SPDYE1: variants seen among roughly 807,000 people sequenced by gnomAD.
The protein encoded by SPDYE1 is speedy protein E1.
Under a neutral mutation model 45.9 loss-of-function variants are expected in SPDYE1, and 29 were observed. The ratio of observed to expected loss-of-function variants is 0.63; its 90% CI spans 0.47 to 0.86. SPDYE1 has a LOEUF of 0.86. SPDYE1 is among the 40% of genes least tolerant of loss of function. The pLI is 0.00. For synonymous variants in SPDYE1, 134 were observed against 176.8 expected, an observed-to-expected ratio of 0.76 and a Z score of 1.92; for missense variants, 346 against 481.4, an observed-to-expected ratio of 0.72 and a Z score of 2.63.
intron 1 of SPDYE1, among the ~76,000 whole-genome samples, chr7:43,998,854 T>G (rs4049559): frequency 7.4e-6 from 1 of 135,254 alleles, no homozygotes; most frequent in Non-Finnish European, 1.6e-5. Context: ...GGTTTGGTTT[T>G]GTTTTTTTAG....
At chr7:44,005,111 C>T in intron 5 of SPDYE1, 31 bp from the exon 6 acceptor site, 1 of 1,610,136 alleles carries the variant, frequency 6.2e-7, no homozygotes, top group Non-Finnish European at 8.5e-7. Flanking sequence ...GATGTGACCT[C>T]TCCCTCTCTG....
At chr7:44,007,970 T>G (rs2096074112) in intron 8 of SPDYE1, 157 bp downstream of exon 8, 2 of 1,494,424 alleles carry the variant, frequency 1.3e-6, no homozygotes, top group Non-Finnish European at 8.9e-7. Flanking sequence ...GGGACGCATC[T>G]CTACTCCCAA....
chr7:44,007,170 C>A, intron 6 of SPDYE1, 98 bp from the exon 7 acceptor site: 1 of 1,607,106 alleles, frequency 6.2e-7, no homozygotes, highest in Non-Finnish European at 8.5e-7. Context: ...CAGTCCTGAG[C>A]TAGGAACGGT....
chr7:43,999,369 T>C (rs1312713330), intron 1 of SPDYE1, among the ~76,000 whole-genome samples, 159 bp from the exon 2 acceptor site: 1 of 151,688 alleles, frequency 6.6e-6, no homozygotes, highest in Non-Finnish European at 1.5e-5. Flanking sequence ...CTGATGTGAC[T>C]TTTTCATCAA....
At chr7:44,004,245 G>C in intron 5 of SPDYE1, 2 of 432,952 alleles carry the variant, frequency 4.6e-6, no homozygotes, top group East Asian at 4.8e-5. Context: ...ATGTTGGCCA[G>C]GTTGGTCCTG....
At chr7:44,002,439 C>G in intron 3 of SPDYE1, 151 bp from the exon 4 acceptor site, 2 of 778,814 alleles carry the variant, frequency 2.6e-6, no homozygotes, top group South Asian at 3.4e-5. Context: ...ACATGGAGCT[C>G]AGCAGAGGAG....
In SPDYE1 at chr7:44,010,050, G is replaced by C. The variant is rs1340773462; in HGVS notation, c.*1429G>C. ...ATGTGTGTTCTAAAGGAGGACATGA[G>C]CTGTGTGTTTTCAAGAGAACAATAG... On this transcript the variant is annotated 3_prime_UTR_variant, in exon 9 of 9. Coordinates refer to ENST00000693451, the MANE Select transcript of SPDYE1 (RefSeq NM_001378423.2). 6.6e-6 allele frequency: 1 copy of C among 152,190 alleles called. No individual in the cohort carries two copies. Among genetic ancestry groups the C allele is most frequent in the Non-Finnish European group, 1.5e-5 (1 of 68,044 alleles). The allele number at this position is 152,190 out of a possible 1,614,324, so 9.4% of individuals were successfully genotyped here. A position where few individuals can be genotyped will look rare whatever the true frequency, so the allele number is the denominator to read the frequency against.
At position 44,007,579 on chromosome 7, in the gene SPDYE1, T is replaced by C. The variant is rs765924275; in HGVS notation, c.1064T>C (p.Leu355Ser). Reference protein sequence around the residue: ...SCRAWVSPEELEEIQAYDPEH... With the variant: ...SCRAWVSPEESEEIQAYDPEH... ...AGGGCTTGGGTTTCCCCAGAGGAGT[T>C]GGAGGAGGTGAGTGGGGCCTGGGGA... The change falls in exon 7 of 9, where the codon TTG becomes TCG. Residue 355 changes from leucine (L) to serine (S), a missense_variant. Coordinates refer to ENST00000693451, the MANE Select transcript of SPDYE1 (RefSeq NM_001378423.2). 2 of 1,612,356 alleles carry C rather than the reference T, an allele frequency of 1.2e-6. No individual in the cohort carries two copies. Among genetic ancestry groups the C allele is most frequent in the African/African-American group, 2.7e-5 (2 of 74,698 alleles).
In SPDYE1 at chr7:44,007,130, G is replaced by A; in HGVS notation, c.753-138G>A. On this transcript the variant is annotated intron_variant, in intron 6 of 8. Coordinates refer to ENST00000693451, the MANE Select transcript of SPDYE1 (RefSeq NM_001378423.2). The stretch of plus-strand genomic sequence containing the variant: ...TCTCTGTCCAGCAGAGCCCTCCTGA[G>A]GAAGGCATGGCTCTCTGCAGGGTGG... 5.8e-6 allele frequency: 9 copies of A among 1,564,840 alleles called. 1 individual carries two copies. The South Asian group carries it at 1.1e-4, about 19-fold the overall frequency.
rs775467308 is a variant in SPDYE1, at chr7:44,005,190, T to A, written c.715T>A (p.Ser239Thr). 2 of 1,612,028 alleles carry A rather than the reference T, an allele frequency of 1.2e-6. No homozygotes were observed. The highest frequency in any genetic ancestry group is 2.2e-5 in the South Asian group (2 of 90,998). ...IAYFSRAGFP[S>T]WQYQRLHFFL... Reference sequence around the variant, plus strand: ...GTATTTCAGCCGAGCCGGCTTCCCCTCCTGGCAATACCAACGCCTTCATTT... The same window carrying A: ...GTATTTCAGCCGAGCCGGCTTCCCCACCTGGCAATACCAACGCCTTCATTT... The change falls in exon 6 of 9, where the codon TCC becomes ACC. Residue 239 changes from serine to threonine, a missense_variant. By Grantham distance (58) the Ser-to-Thr change is moderately conservative. Transcript: ENST00000693451.
At chr7:44,001,724 T>A (rs1347229177) in intron 3 of SPDYE1, among the ~76,000 whole-genome samples, 1 of 151,468 alleles carries the variant, frequency 6.6e-6, no homozygotes, top group African/African-American at 2.4e-5. Flanking sequence ...CTGAGATGGG[T>A]GGATCACTTG....
chr7:44,005,182 G>A lies in SPDYE1; in HGVS notation c.707G>A (p.Gly236Asp). 1 of 1,611,948 alleles carries A rather than the reference G, an allele frequency of 6.2e-7. No homozygotes were observed. The highest frequency in any genetic ancestry group is 8.5e-7 in the Non-Finnish European group (1 of 1,179,854). ...GTCATAGCGTATTTCAGCCGAGCCG[G>A]CTTCCCCTCCTGGCAATACCAACGC... ...AMVIAYFSRA[G>D]FPSWQYQRLH... Residue 236 changes from glycine (G) to aspartate (D), a missense_variant, in exon 6 of 9, where the codon GGC becomes GAC. Gly to Asp is a moderately conservative substitution (Grantham distance 94). Transcript: ENST00000693451.
At position 44,000,566 on chromosome 7, in the gene SPDYE1, C is replaced by T. The variant is rs1401127589; in HGVS notation, c.160+457C>T. Among the ~76,000 whole-genome samples the T allele has an allele frequency of 2.0e-4, 30 of 151,692 alleles. No homozygotes were observed. The East Asian group carries it at 3.1e-3, about 16-fold the overall frequency. ...CAGAACTTTGGGAGGCCAAGGCAGG[C>T]GGATCACTTGAGGCCAGGAGTTTGA... is the stretch of plus-strand genomic sequence containing the variant. On this transcript the variant is annotated intron_variant, in intron 2 of 8. Coordinates refer to ENST00000693451, the MANE Select transcript of SPDYE1 (RefSeq NM_001378423.2).
intron 8 of SPDYE1, 97 bp downstream of exon 8, chr7:44,007,910 C>T (rs538109530): frequency 5.2e-6 from 8 of 1,533,568 alleles, no homozygotes; most frequent in South Asian, 4.7e-5. Flanking sequence ...GCCTGGGCAA[C>T]GTGGCGAGAT....
In SPDYE1 at chr7:44,009,753, T is replaced by C. The variant is rs1430010863; in HGVS notation, c.*1132T>C. The C allele has an allele frequency of 6.6e-6, 1 of 151,486 alleles. No individual in the cohort carries two copies. Among genetic ancestry groups the C allele is most frequent in the African/African-American group, 2.4e-5 (1 of 41,346 alleles). 9.4% of individuals were successfully genotyped at this position (151,486 alleles called of 1,614,324 possible). A position where few individuals can be genotyped will look rare whatever the true frequency, so the allele number is the denominator to read the frequency against. ...ACTGTTATATACACATACATATAATTTTGTTTTCCTTTTTAAGAGAGGATT... is the reference window on the plus strand; with the variant it reads ...ACTGTTATATACACATACATATAATCTTGTTTTCCTTTTTAAGAGAGGATT... On this transcript the variant is annotated 3_prime_UTR_variant, in exon 9 of 9. Transcript: ENST00000693451.
In SPDYE1 at chr7:44,007,330, T is replaced by C; in HGVS notation, c.815T>C (p.Leu272Pro). The change falls in exon 7 of 9, where the codon CTG becomes CCG. Residue 272 changes from leucine to proline, a missense_variant. Physicochemically the swap from Leu to Pro is moderately conservative, Grantham distance 98. Transcript: ENST00000693451. ...TCCAAACAAAACATCTTCCACTTCC[T>C]GTATGGGAAGAACCGCTCTCGCATA... ...EDSKQNIFHF[L>P]YGKNRSRIPL... is the part of the protein sequence containing the mutation. 1 of 1,613,050 alleles carries C rather than the reference T, an allele frequency of 6.2e-7. No homozygotes were observed. The highest frequency in any genetic ancestry group is 8.5e-7 in the Non-Finnish European group (1 of 1,180,040).
At position 44,010,122 on chromosome 7, in the gene SPDYE1, T is replaced by C. The variant is rs2096076969; in HGVS notation, c.*1501T>C. Reference sequence around the variant, plus strand: ...TAATAAAAATGAACTTTTCTCACCTTCACAGCAATTGTGATCATATTGGTC... The same window carrying C: ...TAATAAAAATGAACTTTTCTCACCTCCACAGCAATTGTGATCATATTGGTC... On this transcript the variant is annotated 3_prime_UTR_variant, in exon 9 of 9. Transcript: ENST00000693451. The C allele has an allele frequency of 6.6e-6, 1 of 152,212 alleles. No individual in the cohort carries two copies. Among genetic ancestry groups the C allele is most frequent in the Admixed American group, 6.5e-5 (1 of 15,282 alleles). 9.4% of individuals were successfully genotyped at this position (152,212 alleles called of 1,614,324 possible). A position where few individuals can be genotyped will look rare whatever the true frequency, so the allele number is the denominator to read the frequency against.
chr7:44,001,222 T>G lies in SPDYE1; in HGVS notation c.317T>G (p.Leu106Arg). 6.9e-6 allele frequency: 11 copies of G among 1,597,962 alleles called. No individual in the cohort carries two copies. Among genetic ancestry groups the G allele is most frequent in the Non-Finnish European group, 9.3e-6 (11 of 1,179,894 alleles). The change falls in exon 3 of 9, where the codon CTG becomes CGG. Residue 106 changes from leucine (L) to arginine (R), a missense_variant. Leu to Arg is a moderately radical substitution (Grantham distance 102). This residue lies in a region of SPDYE1 where 141 missense variants were observed against 176.7 expected (regional missense o/e 0.80). Transcript: ENST00000693451. The stretch of plus-strand genomic sequence containing the variant: ...ACGCTGTGTGGGCTCAAGATGAAGC[T>G]GAAGCAACAGCGAGTGTCACCCATC... ...VETLCGLKMK[L>R]KQQRVSPILL...
chr7:44,007,432 C>T lies in SPDYE1; in HGVS notation c.917C>T (p.Pro306Leu). The T allele has an allele frequency of 6.4e-7, 1 of 1,565,064 alleles. No individual in the cohort carries two copies. Among genetic ancestry groups the T allele is most frequent in the Non-Finnish European group, 8.7e-7 (1 of 1,148,928 alleles). The change falls in exon 7 of 9, where the codon CCC becomes CTC. Residue 306 changes from proline (P) to leucine (L), a missense_variant. By Grantham distance (98) the Pro-to-Leu change is moderately conservative. Coordinates refer to ENST00000693451, the MANE Select transcript of SPDYE1 (RefSeq NM_001378423.2). The part of the protein sequence containing the change: ...PRARKNRSHI[P>L]LVRKRRFQLR... ...GCCAGGAAGAACCGCTCTCACATACCCTTGGTCCGTAAGCGTCGGTTCCAG... is the reference window on the plus strand; with the variant it reads ...GCCAGGAAGAACCGCTCTCACATACTCTTGGTCCGTAAGCGTCGGTTCCAG...
Sources: gnomAD v4.1 joint callset for allele counts (sites outside exome capture counted in the v4.1 genomes callset) on GRCh38, gnomAD v4.1.1 for gene constraint, gnomAD v4.1.1 regional missense constraint, MANE v1.5 for transcripts, NCBI Gene and HGNC (gene_info 2026-07-23, HGNC 2026-07-21) for gene names.